The following ITGAL variants were observed in gnomAD, a reference collection of about 807,000 sequenced individuals.
ITGAL encodes integrin alpha-L.
A neutral mutation model predicts 138.4 loss-of-function variants in ITGAL; 68 were observed. The ratio of observed to expected loss-of-function variants is 0.49; its 90% confidence interval spans 0.40 to 0.60. The LOEUF is 0.60. Ranked by LOEUF, ITGAL falls within the 20% of genes least tolerant of loss-of-function variation. The probability of loss-of-function intolerance (pLI) is 0.00; values close to 1 mark genes in which losing one functional copy is unlikely to be tolerated. For synonymous variants in ITGAL, 561 were observed against 584.3 expected, an observed-to-expected ratio of 0.96 and a Z score of 0.57; for missense variants, 1,256 against 1,478.6, an observed-to-expected ratio of 0.85 and a Z score of 2.47.
Position 30,522,296 on chromosome 16 carries a change from T to A in ITGAL, c.*631T>A, listed in dbSNP as rs537991834. ...TTCTCCCAGGCCAGGCTCCTTCCTG[T>A]CTTCCTGCATTCACCCAGACAGCTC... On this transcript the variant is annotated 3_prime_UTR_variant, in exon 31 of 31. Coordinates refer to ENST00000356798, the MANE Select transcript of ITGAL (RefSeq NM_002209.3). The surrounding 1 kb of genome is among the most constrained non-coding windows in gnomAD (Gnocchi z 4.0). The A allele has an allele frequency of 6.5e-6, 1 of 152,764 alleles. No homozygotes were observed. The highest frequency in any genetic ancestry group is 1.9e-4 in the East Asian group (1 of 5,166). 9.5% of individuals were successfully genotyped at this position (152,764 alleles called of 1,614,324 possible). A position where few individuals can be genotyped will look rare whatever the true frequency, so the allele number is the denominator to read the frequency against.
At chr16:30,478,522 C>G (rs561424047) in intron 4 of ITGAL, among the ~76,000 whole-genome samples, 1 of 151,502 alleles carries the variant, frequency 6.6e-6, no homozygotes, top group Non-Finnish European at 1.5e-5. Flanking sequence ...CACGGTGAAA[C>G]CCCGTCTCTG....
intron 24 of ITGAL, among the ~76,000 whole-genome samples, chr16:30,513,365 C>T (rs1359574272): frequency 1.3e-5 from 2 of 152,210 alleles, no homozygotes; most frequent in African/African-American, 2.4e-5. Flanking sequence ...CAATGCTGAG[C>T]AGGTGAGTGG....
Position 30,518,687 on chromosome 16 carries a change from C to T in ITGAL, c.3196C>T (p.His1066Tyr). Residue 1066 changes from histidine (H) to tyrosine (Y), a missense_variant, in exon 29 of 31, where the codon CAC (histidine) becomes TAC (tyrosine). Coordinates refer to ENST00000356798, the MANE Select transcript of ITGAL (RefSeq NM_002209.3). ...CTCCTTCAACAGCAGCAAGCATTTCCACCTCTATGGCAGCAACGCCTCCCT... is the reference window on the plus strand; with the variant it reads ...CTCCTTCAACAGCAGCAAGCATTTCTACCTCTATGGCAGCAACGCCTCCCT... The part of the protein sequence containing the change: ...SISFNSSKHF[H>Y]LYGSNASLAQ... The T allele has an allele frequency of 6.2e-7, 1 of 1,613,986 alleles. No individual in the cohort carries two copies. The highest frequency in any genetic ancestry group is 1.7e-5 in the Admixed American group (1 of 60,014).
chr16:30,521,637 A>ACT lies in ITGAL; in HGVS notation c.3488_3489dup (p.Glu1164LeufsTer82). 6.2e-7 allele frequency: 1 copy of ACT among 1,614,004 alleles called. No homozygotes were observed. Among genetic ancestry groups the ACT allele is most frequent in the South Asian group, 1.1e-5 (1 of 91,076 alleles). ...TGCCTGAAGCCCCTCCATGAGAAGG[A>ACT]CTCTGAGAGTGGTGGTGGCAAGGAC... On this transcript the variant is annotated frameshift_variant, in exon 31 of 31. Transcript: ENST00000356798. LOFTEE classifies it low-confidence loss of function (END_TRUNC).
chr16:30,521,619 A>C lies in ITGAL; in HGVS notation c.3467A>C (p.Lys1156Thr), dbSNP rs759007220. 23 of 1,614,022 alleles carry C rather than the reference A, an allele frequency of 1.4e-5. No individual in the cohort carries two copies. Among genetic ancestry groups the C allele is most frequent in the East Asian group, 2.2e-5 (1 of 44,898 alleles). ...GQEAGDPGCL[K>T]PLHEKDSESG... ...GAGGCTGGGGATCCCGGCTGCCTGA[A>C]GCCCCTCCATGAGAAGGACTCTGAG... The change falls in exon 31 of 31, where the codon AAG (lysine) becomes ACG (threonine). Residue 1156 changes from lysine (K) to threonine (T), a missense_variant. Transcript: ENST00000356798.
chr16:30,506,281 C>T (rs1193530354), intron 20 of ITGAL, among the ~76,000 whole-genome samples: 4 of 112,014 alleles, frequency 3.6e-5, no homozygotes, highest in South Asian at 7.7e-4. Flanking sequence ...AAAAAAAAGC[C>T]GGGGGCGGTG....
At chr16:30,478,286 A>T (rs1378797319) in intron 4 of ITGAL, among the ~76,000 whole-genome samples, 1 of 150,736 alleles carries the variant, frequency 6.6e-6, no homozygotes, top group Non-Finnish European at 1.5e-5. Context: ...GTGAGCCAAG[A>T]TCGCACCACT....
At chr16:30,517,449 C>T in intron 26 of ITGAL, among the ~76,000 whole-genome samples, 200 bp from the exon 27 acceptor site, 1 of 151,940 alleles carries the variant, frequency 6.6e-6, no homozygotes, top group East Asian at 1.9e-4. Flanking sequence ...CAGAACAAGA[C>T]CCTGTCTCTA....
chr16:30,489,486 G>C, intron 11 of ITGAL, 100 bp downstream of exon 11: 1 of 1,168,618 alleles, frequency 8.6e-7, no homozygotes, highest in Non-Finnish European at 1.2e-6. Flanking sequence ...TAAGCAACCA[G>C]CATGAACAAA....
chr16:30,486,175 G>A (rs2050643932), intron 9 of ITGAL, among the ~76,000 whole-genome samples: 1 of 152,196 alleles, frequency 6.6e-6, no homozygotes, highest in Non-Finnish European at 1.5e-5. Context: ...AGTCTCCTTT[G>A]CTAGGACACA....
intron 9 of ITGAL, among the ~76,000 whole-genome samples, chr16:30,486,496 G>T (rs1179158072): frequency 6.6e-6 from 1 of 151,544 alleles, no homozygotes; most frequent in Non-Finnish European, 1.5e-5. Context: ...AATGAAAAGT[G>T]ATTTTTTAAA....
chr16:30,493,815 C>T (rs1005394055), intron 11 of ITGAL, among the ~76,000 whole-genome samples: 2 of 152,094 alleles, frequency 1.3e-5, no homozygotes, highest in Admixed American at 6.6e-5. Context: ...TTGCTTGAAC[C>T]CGGGAGGCGG....
Position 30,517,638 on chromosome 16 carries a change from C to G in ITGAL, c.2977-11C>G, listed in dbSNP as rs1373049805. On this transcript the variant is annotated splice_polypyrimidine_tract_variant and intron_variant, in intron 26 of 30. Transcript: ENST00000356798. ...GGAGGCTCTAACTGAAGACCTGCCG[C>G]TTGTTCCTAGGAGCCTCCCGTGCCC... is the stretch of plus-strand genomic sequence containing the variant. 1 of 1,613,362 alleles carries G rather than the reference C, an allele frequency of 6.2e-7. No individual in the cohort carries two copies. Among genetic ancestry groups the G allele is most frequent in the Non-Finnish European group, 8.5e-7 (1 of 1,179,318 alleles).
chr16:30,507,844 T>C (rs1028478617), intron 21 of ITGAL, among the ~76,000 whole-genome samples: 6 of 152,116 alleles, frequency 3.9e-5, no homozygotes, highest in Admixed American at 3.9e-4. Flanking sequence ...GACCATATTT[T>C]ACCTATTTAT....
chr16:30,505,194 G>C (rs1269039962), intron 18 of ITGAL, 50 bp from the exon 19 acceptor site: 1 of 1,498,706 alleles, frequency 6.7e-7, no homozygotes, highest in Non-Finnish European at 9.0e-7. Context: ...GAGGTCTGCT[G>C]CCTCAGTTAA....
chr16:30,477,986 T>G (rs1379499359), intron 4 of ITGAL, among the ~76,000 whole-genome samples: 50 of 122,106 alleles, frequency 4.1e-4, no homozygotes, highest in East Asian at 1.0e-3. Flanking sequence ...GAGAGAGAGA[T>G]AGGAAGGAAG....
intron 18 of ITGAL, among the ~76,000 whole-genome samples, chr16:30,504,570 G>A (rs938148824): frequency 2.0e-5 from 3 of 152,010 alleles, no homozygotes; most frequent in African/African-American, 7.2e-5. Flanking sequence ...TTGTGATGGT[G>A]CGCCCCTGTA....
In ITGAL at chr16:30,513,821, T is replaced by G. The variant is rs777115236; in HGVS notation, c.2837T>G (p.Ile946Ser). ...AGTTTCACCCCCAAAGGCCCCAAGATCCACCAAGTCAAGCACATGTACCAG... is the reference window on the plus strand; with the variant it reads ...AGTTTCACCCCCAAAGGCCCCAAGAGCCACCAAGTCAAGCACATGTACCAG... ...YVSFTPKGPK[I>S]HQVKHMYQVR... The change falls in exon 25 of 31, where the codon ATC (isoleucine) becomes AGC (serine). Residue 946 changes from isoleucine (I) to serine (S), a missense_variant. Physicochemically the swap from Ile to Ser is moderately radical, Grantham distance 142. This residue lies in a region of ITGAL where 867 missense variants were observed against 972.5 expected (regional missense o/e 0.89). Coordinates refer to ENST00000356798, the MANE Select transcript of ITGAL (RefSeq NM_002209.3). 2 of 1,613,058 alleles carry G rather than the reference T, an allele frequency of 1.2e-6. No homozygotes were observed. The highest frequency in any genetic ancestry group is 3.3e-5 in the Admixed American group (2 of 59,984).
intron 24 of ITGAL, 55 bp downstream of exon 24, chr16:30,511,191 C>A: frequency 7.2e-7 from 1 of 1,388,870 alleles, no homozygotes; most frequent in Non-Finnish European, 1.0e-6. Flanking sequence ...GCCTCCCAAC[C>A]CAGGGCCCCG....
Sources: gnomAD v4.1 joint callset for allele counts (sites outside exome capture counted in the v4.1 genomes callset) on GRCh38, gnomAD v4.1.1 for gene constraint, gnomAD v4.1.1 regional missense constraint, Gnocchi (gnomAD v3.1) non-coding constraint, MANE v1.5 for transcripts, NCBI Gene and HGNC (gene_info 2026-07-23, HGNC 2026-07-21) for gene names.